KCNAB2: variants seen among roughly 807,000 people sequenced by gnomAD.
KCNAB2 encodes voltage-gated potassium channel subunit beta-2.
Under a neutral mutation model 63.6 loss-of-function variants are expected in KCNAB2, and 29 were observed. The ratio of observed to expected loss-of-function variants is 0.46; its 90% CI spans 0.34 to 0.62. The LOEUF (loss-of-function observed/expected upper bound fraction) is 0.62. Among genes scored for constraint, KCNAB2 ranks in the 20% least tolerant of loss-of-function variants. KCNAB2 has a pLI of 0.01. For missense variants in KCNAB2, 359 were observed against 563.9 expected (o/e 0.64, Z 3.68); for synonymous variants, 222 against 224.2 (o/e 0.99, Z 0.09).
At chr1:6,095,679 G>T in intron 13 of KCNAB2, 55 bp downstream of exon 13, 1 of 1,550,344 alleles carries the variant, frequency 6.5e-7, no homozygotes, top group Non-Finnish European at 8.9e-7. Flanking sequence ...TTTTGGACGG[G>T]TGGGACCTTT....
intron 7 of KCNAB2, among the ~76,000 whole-genome samples, chr1:6,088,579 C>T (rs1208609206): frequency 6.6e-6 from 1 of 151,666 alleles, no homozygotes; most frequent in African/African-American, 2.4e-5. Flanking sequence ...TATGGGGTCT[C>T]ACTATGTTGC....
rs1663865833 is a variant in KCNAB2 at position 6,078,311 on chromosome 1, G to A, written c.301-3884G>A. ...GCCAGGACATTCTCCCCACTGCAGA[G>A]TACTCACGTTAATCCCATCTGCAAA... On this transcript the variant is annotated intron_variant, in intron 4 of 15. Coordinates refer to ENST00000378083, the MANE Select transcript of KCNAB2 (RefSeq NM_001199862.2). This position sits in a 1 kb window ranked among gnomAD's most constrained non-coding sequence, Gnocchi z 4.2. 6.6e-6 allele frequency among the ~76,000 whole-genome samples: 1 copy of A among 152,238 alleles called. No homozygotes were observed. Among genetic ancestry groups the A allele is most frequent in the African/African-American group, 2.4e-5 (1 of 41,460 alleles).
At chr1:6,055,802 C>A (rs1360318539) in intron 2 of KCNAB2, among the ~76,000 whole-genome samples, 1 of 152,096 alleles carries the variant, frequency 6.6e-6, no homozygotes. Context: ...TGGGATGCTC[C>A]GTGACTCAGA....
rs1019068492 is a variant in KCNAB2 at position 6,003,111 on chromosome 1, C to G, written c.-53+10323C>G. Among the ~76,000 whole-genome samples, 1 of 152,214 alleles carries G rather than the reference C, an allele frequency of 6.6e-6. No individual in the cohort carries two copies. The highest frequency in any genetic ancestry group is 2.1e-4 in the South Asian group (1 of 4,834). On this transcript the variant is annotated intron_variant, in intron 1 of 16. Coordinates refer to the KCNAB2 transcript ENST00000341524. This position sits in a 1 kb window ranked among gnomAD's most constrained non-coding sequence, Gnocchi z 4.1. ...GCGACCCGTTCACGGGGCGGGCGCTCGCCCTTGGCCTCGCTCCTGAGCCAC... is the reference window on the plus strand; with the variant it reads ...GCGACCCGTTCACGGGGCGGGCGCTGGCCCTTGGCCTCGCTCCTGAGCCAC...
rs72861011 is a variant in KCNAB2, at chr1:6,009,417, G to A, written c.-53+16629G>A. On this transcript the variant is annotated intron_variant, in intron 1 of 16. Transcript: ENST00000341524. ...TGTGCGTGTATGTGTGCACACGTGT[G>A]CATATGTGTATGCACACACCTGCAC... 8.0e-3 allele frequency among the ~76,000 whole-genome samples: 1,216 copies of A among 152,262 alleles called. 14 individuals carry two copies. The highest frequency in any genetic ancestry group is 0.027 in the African/African-American group (1,130 of 41,550).
intron 2 of KCNAB2, among the ~76,000 whole-genome samples, chr1:6,066,510 G>A (rs571161679): frequency 6.6e-6 from 1 of 152,320 alleles, no homozygotes; most frequent in East Asian, 1.9e-4. Flanking sequence ...GGGAGATGGT[G>A]AGGGCGCCGT....
rs111238188 is a variant in KCNAB2 at position 6,084,285 on chromosome 1, G to A, written c.381-919G>A. Among the ~76,000 whole-genome samples the A allele has an allele frequency of 7.1e-3, 1,075 of 152,338 alleles. 10 individuals are homozygous for A. The highest frequency in any genetic ancestry group is 0.025 in the African/African-American group (1,019 of 41,572). On this transcript the variant is annotated intron_variant, in intron 5 of 15. Transcript: ENST00000378083. Reference sequence around the variant, plus strand: ...GCCGCCCATGCCCCCAGCTGGCCTGGGTTTGGTGCAGGACCCAGTGATGCC... The same window carrying A: ...GCCGCCCATGCCCCCAGCTGGCCTGAGTTTGGTGCAGGACCCAGTGATGCC...
upstream of KCNAB2, among the ~76,000 whole-genome samples, chr1:6,033,246 C>A (rs571644009): frequency 2.0e-4 from 29 of 146,728 alleles, 1 homozygote; most frequent in South Asian, 6.3e-3. Context: ...TGTGGGTGTG[C>A]GTGTATGTGT....
chr1:6,057,472 C>T (rs1259548438), intron 2 of KCNAB2, among the ~76,000 whole-genome samples: 1 of 143,930 alleles, frequency 6.9e-6, no homozygotes, highest in Non-Finnish European at 1.5e-5. Context: ...AGAAAAACAG[C>T]AGAGACCAGG....
upstream of KCNAB2, among the ~76,000 whole-genome samples, chr1:6,042,828 G>T (rs1239061180): frequency 3.1e-5 from 1 of 32,648 alleles, no homozygotes. Context: ...TTCTCTCCCC[G>T]CGCCCCCACT....
chr1:6,053,320 TG>T (rs1200887239), intron 2 of KCNAB2, among the ~76,000 whole-genome samples: 2 of 152,172 alleles, frequency 1.3e-5, no homozygotes, highest in East Asian at 3.9e-4. Flanking sequence ...AGCCAGATCC[TG>T]GAGCTGCTGC....
rs1663052133 is a variant in KCNAB2, at chr1:6,069,836, C to G, written c.219-2919C>G. Among the ~76,000 whole-genome samples the G allele has an allele frequency of 6.6e-6, 1 of 152,204 alleles. No homozygotes were observed. Among genetic ancestry groups the G allele is most frequent in the South Asian group, 2.1e-4 (1 of 4,830 alleles). On this transcript the variant is annotated intron_variant, in intron 2 of 15. Transcript: ENST00000378083. This position sits in a 1 kb window ranked among gnomAD's most constrained non-coding sequence, Gnocchi z 5.4. ...AACAAGTTGAGCAGGGTAATTGCGG[C>G]ATCACGTGGTGCCCTAGTTTTGTTA...
rs568052872 is a variant in KCNAB2, at chr1:6,017,181, G to A, written c.-52-23336G>A. On this transcript the variant is annotated intron_variant, in intron 1 of 16. Transcript: ENST00000341524. ...GGGACGCAGGGTGCGTAGAGCAGAG[G>A]TGTAGATTCTGCAAGGGTGTGTGCA... 1.8e-3 allele frequency among the ~76,000 whole-genome samples: 276 copies of A among 152,304 alleles called. 1 individual carries two copies. Among genetic ancestry groups the A allele is most frequent in the Non-Finnish European group, 3.5e-3 (236 of 68,024 alleles).
At chr1:6,014,175 A>T (rs930285641) in intron 1 of KCNAB2, among the ~76,000 whole-genome samples, 4 of 152,250 alleles carry the variant, frequency 2.6e-5, no homozygotes, top group African/African-American at 9.6e-5. Context: ...CCACACATTA[A>T]TACAGCCCAG....
At position 6,073,788 on chromosome 1, in the gene KCNAB2, C is replaced by T; in HGVS notation, c.300+18C>T. 1.9e-6 allele frequency: 3 copies of T among 1,613,700 alleles called. No individual in the cohort carries two copies. Among genetic ancestry groups the T allele is most frequent in the Non-Finnish European group, 2.5e-6 (3 of 1,179,622 alleles). On this transcript the variant is annotated intron_variant, in intron 4 of 15. Coordinates refer to ENST00000378083, the MANE Select transcript of KCNAB2 (RefSeq NM_001199862.2). This position sits in a 1 kb window ranked among gnomAD's most constrained non-coding sequence, Gnocchi z 5.7. ...CCGATGAGGTAAGATGGGGCTCTCCCAGCACCCCAGAACCCAGCACGGGCT... is the reference window on the plus strand; with the variant it reads ...CCGATGAGGTAAGATGGGGCTCTCCTAGCACCCCAGAACCCAGCACGGGCT...
At chr1:6,010,587 T>C (rs1352986645) in intron 1 of KCNAB2, among the ~76,000 whole-genome samples, 3 of 152,230 alleles carry the variant, frequency 2.0e-5, no homozygotes, top group African/African-American at 4.8e-5. Flanking sequence ...AGAGTGCCCC[T>C]GGCCCCTCCC....
rs138227888 is a variant in KCNAB2 at position 6,078,826 on chromosome 1, G to A, written c.301-3369G>A. On this transcript the variant is annotated intron_variant, in intron 4 of 15. Transcript: ENST00000378083. This position sits in a 1 kb window ranked among gnomAD's most constrained non-coding sequence, Gnocchi z 4.2. ...CACATCCTGATGTGGCAGGGCTGTC[G>A]TGGAGCCTGGGAGGCCGCATTTCTG... Among the ~76,000 whole-genome samples, 256 of 152,314 alleles carry A rather than the reference G, an allele frequency of 1.7e-3. 1 individual carries two copies. Among genetic ancestry groups the A allele is most frequent in the African/African-American group, 5.8e-3 (241 of 41,568 alleles).
intron 1 of KCNAB2, among the ~76,000 whole-genome samples, chr1:6,046,424 G>A (rs1043090893): frequency 1.3e-5 from 2 of 152,170 alleles, no homozygotes; most frequent in Admixed American, 6.5e-5. Flanking sequence ...AGCACCTCTC[G>A]CTTGAGTCTG....
chr1:6,016,665 T>A (rs1658519439), intron 1 of KCNAB2, among the ~76,000 whole-genome samples: 2 of 152,188 alleles, frequency 1.3e-5, no homozygotes, highest in Non-Finnish European at 2.9e-5. Context: ...ACACGCGGTG[T>A]GACTCGGGCG....
Sources: allele counts gnomAD v4.1 joint callset (sites outside exome capture counted in the v4.1 genomes callset), GRCh38; gene constraint gnomAD v4.1.1; non-coding constraint Gnocchi (gnomAD v3.1); transcripts MANE v1.5; gene names NCBI Gene and HGNC (gene_info 2026-07-23, HGNC 2026-07-21).